The following CLIC4 variants were observed in gnomAD, a reference collection of about 807,000 sequenced individuals.
The protein encoded by CLIC4 is chloride intracellular channel protein 4.
CLIC4 carries 13 observed loss-of-function variants against 24.6 expected under a neutral mutation model. The ratio of observed to expected loss-of-function variants is 0.53; its 90% confidence interval spans 0.34 to 0.84. The LOEUF is 0.84. Ranked by LOEUF, CLIC4 falls within the 40% of genes least tolerant of loss-of-function variation. The pLI, the probability that CLIC4 is intolerant of heterozygous loss-of-function variation, is 0.01. For synonymous variants in CLIC4, 104 were observed against 111.3 expected (o/e 0.93, Z 0.41); for missense variants, 227 against 301.7 (o/e 0.75, Z 1.83).
intron 3 of CLIC4, among the ~76,000 whole-genome samples, chr1:24,819,066 C>T (rs564111026): frequency 2.0e-4 from 30 of 152,244 alleles, no homozygotes; most frequent in Non-Finnish European, 2.9e-4. Flanking sequence ...CTGTCTATAA[C>T]TAGCTTCTCA....
intron 2 of CLIC4, among the ~76,000 whole-genome samples, chr1:24,809,426 A>G (rs1158043812): frequency 6.6e-6 from 1 of 152,298 alleles, no homozygotes; most frequent in Non-Finnish European, 1.5e-5. Context: ...ATTCCCCTCT[A>G]TCTTGAAAAT....
intron 1 of CLIC4, among the ~76,000 whole-genome samples, chr1:24,748,496 TTTG>T (rs1308430500): frequency 4.6e-5 from 6 of 131,262 alleles, no homozygotes; most frequent in African/African-American, 5.7e-5. Flanking sequence ...GATCAGGTTT[TTTG>T]TTTTTTTTTT....
intron 1 of CLIC4, among the ~76,000 whole-genome samples, chr1:24,778,642 T>C (rs184213281): frequency 3.0e-4 from 46 of 152,330 alleles, no homozygotes; most frequent in African/African-American, 8.4e-4. Flanking sequence ...AGAAGAGATA[T>C]TGCCTCCGGA....
rs181628574 is a variant in CLIC4, at chr1:24,839,392, C to T, written c.416-468C>T. ...TCGGCTCACTGCAAGCTCGGCCTCC[C>T]GGGTTCACGCCATTCTCCTGCCTCA... On this transcript the variant is annotated intron_variant, in intron 4 of 5. Transcript: ENST00000374379. Among the ~76,000 whole-genome samples the T allele has an allele frequency of 7.9e-3, 1,204 of 152,272 alleles. 21 individuals carry two copies. Among genetic ancestry groups the T allele is most frequent in the African/African-American group, 0.027 (1,137 of 41,556 alleles).
intron 2 of CLIC4, among the ~76,000 whole-genome samples, chr1:24,802,533 A>C (rs970417965): frequency 6.6e-6 from 1 of 152,102 alleles, no homozygotes; most frequent in South Asian, 2.1e-4. Flanking sequence ...GGTCTTTAAC[A>C]ATCATAGGTC....
intron 2 of CLIC4, among the ~76,000 whole-genome samples, chr1:24,805,112 A>G (rs1571253441): frequency 1.3e-5 from 2 of 151,550 alleles, no homozygotes; most frequent in African/African-American, 4.8e-5. Flanking sequence ...AAAACACAAA[A>G]ACAAAGACAA....
chr1:24,805,111 A>AAAAAAAAAAAAAG (rs1639536476), intron 2 of CLIC4, among the ~76,000 whole-genome samples: 1 of 151,146 alleles, frequency 6.6e-6, no homozygotes. Flanking sequence ...AAAAACACAA[A>AAAAAAAAAAAAAG]AACAAAGACA....
intron 1 of CLIC4, among the ~76,000 whole-genome samples, chr1:24,758,606 A>ACCACCATG (rs917369428): frequency 5.3e-5 from 8 of 152,012 alleles, no homozygotes; most frequent in Middle Eastern, 3.4e-3. Context: ...AGAGACACGT[A>ACCACCATG]CCACCATGCC....
intron 3 of CLIC4, among the ~76,000 whole-genome samples, chr1:24,818,949 ATATTAT>A (rs1639699017): frequency 6.6e-6 from 1 of 151,952 alleles, no homozygotes; most frequent in African/African-American, 2.4e-5. Flanking sequence ...TATGTAATGT[ATATTAT>A]TATTAATATT....
intron 1 of CLIC4, among the ~76,000 whole-genome samples, chr1:24,791,788 A>G (rs184436108): frequency 4.6e-5 from 7 of 152,118 alleles, no homozygotes; most frequent in Non-Finnish European, 1.0e-4. Context: ...AGGCAGGAGA[A>G]TCACTTGAAC....
intron 1 of CLIC4, among the ~76,000 whole-genome samples, chr1:24,773,850 T>TG (rs1357774295): frequency 6.6e-6 from 1 of 151,998 alleles, no homozygotes; most frequent in African/African-American, 2.4e-5. Context: ...CCTCCCACCT[T>TG]GGCTTCCCAG....
intron 1 of CLIC4, among the ~76,000 whole-genome samples, chr1:24,749,683 T>A (rs987006858): frequency 6.6e-6 from 1 of 152,254 alleles, no homozygotes; most frequent in Non-Finnish European, 1.5e-5. Context: ...GCAGCTGGGC[T>A]GTGGTGGCTC....
intron 1 of CLIC4, among the ~76,000 whole-genome samples, chr1:24,746,308 C>T (rs546725108): frequency 6.6e-6 from 1 of 152,172 alleles, no homozygotes; most frequent in Non-Finnish European, 1.5e-5. Context: ...GCTTCTCCCC[C>T]CGGCGTTGCT....
At chr1:24,795,221 T>C (rs2124128715) in intron 1 of CLIC4, among the ~76,000 whole-genome samples, 1 of 152,306 alleles carries the variant, frequency 6.6e-6, no homozygotes, top group Middle Eastern at 3.4e-3. Flanking sequence ...CCTTGGGGCA[T>C]ACATGATGGG....
At chr1:24,751,345 G>T (rs1187540578) in intron 1 of CLIC4, among the ~76,000 whole-genome samples, 1 of 151,612 alleles carries the variant, frequency 6.6e-6, no homozygotes, top group Admixed American at 6.6e-5. Context: ...GAGTAGCTGG[G>T]GTTACAGGCA....
intron 1 of CLIC4, among the ~76,000 whole-genome samples, chr1:24,755,829 CT>C (rs997901480): frequency 3.3e-5 from 5 of 150,574 alleles, no homozygotes; most frequent in Admixed American, 1.3e-4. Flanking sequence ...TAAATTTTAA[CT>C]TTTTTTTTGA....
intron 1 of CLIC4, among the ~76,000 whole-genome samples, chr1:24,750,146 G>A (rs1386180253): frequency 5.9e-5 from 9 of 152,092 alleles, no homozygotes; most frequent in Non-Finnish European, 1.3e-4. Context: ...TAGAGGCTGC[G>A]GGTGGGAGGA....
intron 1 of CLIC4, among the ~76,000 whole-genome samples, chr1:24,745,968 C>T (rs1340605926): frequency 6.6e-6 from 1 of 150,398 alleles, no homozygotes; most frequent in South Asian, 2.1e-4. Flanking sequence ...CGCGCGGGTC[C>T]TGTCACCACC....
At chr1:24,838,163 TG>T (rs1639904497) in intron 4 of CLIC4, among the ~76,000 whole-genome samples, 1 of 152,160 alleles carries the variant, frequency 6.6e-6, no homozygotes, top group Admixed American at 6.5e-5. Context: ...TTTAGTTTGT[TG>T]ACCAGCTTCT....
Sources: gnomAD v4.1 joint callset for allele counts (sites outside exome capture counted in the v4.1 genomes callset) on GRCh38, gnomAD v4.1.1 for gene constraint, MANE v1.5 for transcripts, NCBI Gene and HGNC (gene_info 2026-07-23, HGNC 2026-07-21) for gene names.